The following FHIT variants were observed in gnomAD, a reference collection of about 807,000 sequenced individuals.
The protein encoded by FHIT is fragile histidine triad diadenosine triphosphatase.
Under a neutral mutation model 17.9 loss-of-function variants are expected in FHIT, and 19 were observed. The observed-to-expected ratio is 1.06, with a 90% CI of 0.74 to 1.56. FHIT has a LOEUF of 1.56. Among genes scored for constraint, FHIT ranks in the 40% most tolerant of loss-of-function variants. The probability of loss-of-function intolerance (pLI) is 0.00; values close to 1 mark genes in which losing one functional copy is unlikely to be tolerated. For synonymous variants in FHIT, 81 were observed against 69.7 expected, an observed-to-expected ratio of 1.16 and a Z score of -0.81; for missense variants, 248 against 189.2, an observed-to-expected ratio of 1.31 and a Z score of -1.82.
intron 4 of FHIT, among the ~76,000 whole-genome samples, chr3:60,582,817 G>C (rs967395850): frequency 1.4e-4 from 22 of 152,062 alleles, no homozygotes; most frequent in African/African-American, 5.3e-4. Context: ...GTCAGATCCT[G>C]TACTAAGCAA....
At chr3:59,759,074 T>C (rs1701369008) in intron 8 of FHIT, among the ~76,000 whole-genome samples, 1 of 151,714 alleles carries the variant, frequency 6.6e-6, no homozygotes, top group Non-Finnish European at 1.5e-5. Context: ...AGCATATAAG[T>C]TGAGGTGTGA....
At chr3:60,609,386 C>T (rs1410930510) in intron 4 of FHIT, among the ~76,000 whole-genome samples, 7 of 151,888 alleles carry the variant, frequency 4.6e-5, no homozygotes, top group Admixed American at 3.9e-4. Flanking sequence ...AGTGCAGTGG[C>T]GCCATCTCAG....
At chr3:61,016,091 G>A (rs1471591834) in intron 3 of FHIT, among the ~76,000 whole-genome samples, 1 of 152,178 alleles carries the variant, frequency 6.6e-6, no homozygotes, top group Non-Finnish European at 1.5e-5. Context: ...GCCCAAAGAG[G>A]ATGTGTTTTC....
chr3:60,425,223 A>G (rs1456857029), intron 5 of FHIT, among the ~76,000 whole-genome samples: 1 of 152,188 alleles, frequency 6.6e-6, no homozygotes, highest in Non-Finnish European at 1.5e-5. Flanking sequence ...CTGACTATTC[A>G]GATGGAAATG....
intron 8 of FHIT, among the ~76,000 whole-genome samples, chr3:59,848,281 T>C (rs546992532): frequency 6.6e-6 from 1 of 152,290 alleles, no homozygotes; most frequent in South Asian, 2.1e-4. Context: ...AGGCCTTCAG[T>C]GGACTCCAGA....
chr3:60,027,138 C>CAAA (rs1320133940), intron 5 of FHIT, among the ~76,000 whole-genome samples: 1,614 of 119,744 alleles, frequency 0.013, 37 homozygotes, highest in Non-Finnish European at 0.018. Context: ...CACACACACA[C>CAAA]ACACACACAC....
At chr3:60,727,446 C>A (rs553658088) in intron 4 of FHIT, among the ~76,000 whole-genome samples, 32 of 152,268 alleles carry the variant, frequency 2.1e-4, no homozygotes, top group African/African-American at 7.0e-4. Context: ...TAAGACTAAT[C>A]CAGCTAACAG....
At chr3:60,326,433 G>T (rs193227024) in intron 5 of FHIT, among the ~76,000 whole-genome samples, 11 of 152,144 alleles carry the variant, frequency 7.2e-5, no homozygotes, top group African/African-American at 2.6e-4. Context: ...ACATTCCTAT[G>T]AGAATCTAAT....
At position 61,043,045 on chromosome 3, in the gene FHIT, G is replaced by A. The variant is rs943218000; in HGVS notation, c.-163-946C>T. On this transcript the variant is annotated intron_variant, in intron 2 of 9. Transcript: ENST00000492590. ...GTCTACAGCTCCCAGCTTGAGTGAC[G>A]CAGAAGACAGGTGATTTCTGCATTT... is the stretch of plus-strand genomic sequence containing the variant. Among the ~76,000 whole-genome samples, 9 of 152,220 alleles carry A rather than the reference G, an allele frequency of 5.9e-5. 1 individual carries two copies. Among genetic ancestry groups the A allele is most frequent in the Admixed American group, 4.6e-4 (7 of 15,290 alleles).
intron 4 of FHIT, among the ~76,000 whole-genome samples, chr3:60,569,669 A>G (rs1004212407): frequency 3.4e-5 from 5 of 147,918 alleles, no homozygotes; most frequent in African/African-American, 9.9e-5. Flanking sequence ...TTTATACTCA[A>G]TGGCAGTACT....
intron 3 of FHIT, among the ~76,000 whole-genome samples, chr3:61,020,261 T>C (rs1169674231): frequency 6.6e-6 from 1 of 152,252 alleles, no homozygotes; most frequent in Non-Finnish European, 1.5e-5. Flanking sequence ...CTCATTGTAG[T>C]TCTGATTTGC....
intron 3 of FHIT, among the ~76,000 whole-genome samples, chr3:60,882,809 C>T (rs1553758309): frequency 6.6e-6 from 1 of 152,068 alleles, no homozygotes; most frequent in Non-Finnish European, 1.5e-5. Flanking sequence ...TAGAACAAGA[C>T]CATGATGCCC....
chr3:59,847,542 A>C (rs1327349577), intron 8 of FHIT, among the ~76,000 whole-genome samples: 1 of 152,048 alleles, frequency 6.6e-6, no homozygotes, highest in Non-Finnish European at 1.5e-5. Flanking sequence ...TAGGTAGTTT[A>C]AGTATCTGGC....
chr3:60,256,248 C>T (rs1267002238), intron 5 of FHIT, among the ~76,000 whole-genome samples: 1 of 152,160 alleles, frequency 6.6e-6, no homozygotes, highest in Non-Finnish European at 1.5e-5. Flanking sequence ...GTGCCTCTTC[C>T]TGGCCTCCAT....
intron 4 of FHIT, among the ~76,000 whole-genome samples, chr3:60,642,758 C>T (rs1434842742): frequency 6.6e-6 from 1 of 152,134 alleles, no homozygotes; most frequent in Non-Finnish European, 1.5e-5. Flanking sequence ...ATGTGGTCCT[C>T]TCTTGGTTGG....
chr3:60,247,682 T>C (rs889659692), intron 5 of FHIT, among the ~76,000 whole-genome samples: 4 of 152,134 alleles, frequency 2.6e-5, no homozygotes, highest in African/African-American at 9.7e-5. Flanking sequence ...TGGCATTTCA[T>C]AGTAACGTAA....
At chr3:60,925,202 CA>C (rs1707522367) in intron 3 of FHIT, among the ~76,000 whole-genome samples, 1 of 152,118 alleles carries the variant, frequency 6.6e-6, no homozygotes. Context: ...TCAGGAAATA[CA>C]GAGAACACCA....
chr3:60,221,046 T>C (rs1576328182), intron 5 of FHIT, among the ~76,000 whole-genome samples: 1 of 152,276 alleles, frequency 6.6e-6, no homozygotes, highest in Non-Finnish European at 1.5e-5. Context: ...TGGTATATGA[T>C]GGCTTTATAA....
rs2030424077 is a variant in FHIT, at chr3:60,437,948, A to G, written c.103+98912T>C. Among the ~76,000 whole-genome samples the G allele has an allele frequency of 3.3e-5, 5 of 152,118 alleles. 1 individual carries two copies. The South Asian group carries it at 1.0e-3, about 32-fold the overall frequency. ...CTACCTAGAATAATGTATCATGGTA[A>G]TTTACATTTTTTAAAATTAAGATAC... On this transcript the variant is annotated intron_variant, in intron 5 of 9. Transcript: ENST00000492590.
Sources: gnomAD v4.1 joint callset for allele counts (sites outside exome capture counted in the v4.1 genomes callset) on GRCh38, gnomAD v4.1.1 for gene constraint, MANE v1.5 for transcripts, NCBI Gene and HGNC (gene_info 2026-07-23, HGNC 2026-07-21) for gene names.